The following SYT3 variants were observed in gnomAD, a reference collection of about 807,000 sequenced individuals.
SYT3 encodes the protein synaptotagmin 3, also known as synaptotagmin-3.
A neutral mutation model predicts 50.6 loss-of-function variants in SYT3; 25 were observed. That is an observed-to-expected ratio of 0.49 (90% CI 0.36 to 0.69). The LOEUF is 0.69. SYT3 is among the 30% of genes least tolerant of loss of function. The probability of loss-of-function intolerance (pLI) is 0.00; values close to 1 mark genes in which losing one functional copy is unlikely to be tolerated. For synonymous variants in SYT3, 323 were observed against 353.9 expected, an observed-to-expected ratio of 0.91 and a Z score of 0.98; for missense variants, 589 against 793.6, an observed-to-expected ratio of 0.74 and a Z score of 3.10.
Position 50,621,980 on chromosome 19 carries a change from GA to G in SYT3, c.*504del. 1 of 142,316 alleles carries G rather than the reference GA, an allele frequency of 7.0e-6. No individual in the cohort carries two copies. Among genetic ancestry groups the G allele is most frequent in the African/African-American group, 2.7e-5 (1 of 36,542 alleles). 8.8% of individuals were successfully genotyped at this position (142,316 alleles called of 1,614,324 possible). ...TCAGAGAGGACAGGAGGCCCAGTTG[GA>G]GTGAGACCCACAGAGTGTGTTTATT... On this transcript the variant is annotated 3_prime_UTR_variant, in exon 11 of 11. Transcript: ENST00000600079.
the SYT3 span, chr19:50,656,076 C>T: frequency 6.5e-7 from 1 of 1,536,112 alleles, no homozygotes; most frequent in Non-Finnish European, 8.7e-7. Context: ...CCTGGAGACC[C>T]CAGAGGAGAT....
the SYT3 span, among the ~76,000 whole-genome samples, chr19:50,651,744 A>C: frequency 1.3e-5 from 2 of 152,088 alleles, no homozygotes; most frequent in Non-Finnish European, 2.9e-5. Context: ...GCATTTCCTC[A>C]ATTTTTCAAT....
chr19:50,656,452 T>C, the SYT3 span: 1 of 1,401,536 alleles, frequency 7.1e-7, no homozygotes, highest in Non-Finnish European at 9.4e-7. Flanking sequence ...GCTTTTGGCT[T>C]ATAAGCTGTG....
chr19:50,647,755 A>G, the SYT3 span, among the ~76,000 whole-genome samples: 1 of 152,156 alleles, frequency 6.6e-6, no homozygotes, highest in African/African-American at 2.4e-5. Context: ...ATGGGAGTAG[A>G]GAGGAGAGGA....
intron 6 of SYT3, among the ~76,000 whole-genome samples, chr19:50,626,430 G>A (rs1336989031): frequency 6.6e-6 from 1 of 151,300 alleles, no homozygotes; most frequent in Non-Finnish European, 1.5e-5. Flanking sequence ...GACCCAGAGA[G>A]AGGGAGACAG....
the SYT3 span, among the ~76,000 whole-genome samples, chr19:50,645,195 T>C: frequency 6.6e-6 from 1 of 152,074 alleles, no homozygotes; most frequent in East Asian, 1.9e-4. Context: ...ATTTCTGGAA[T>C]TGGAGGAAAA....
At chr19:50,630,675 G>C (rs10414402) in intron 4 of SYT3, among the ~76,000 whole-genome samples, 103,513 of 151,806 alleles carry the variant, frequency 0.68, 36,647 homozygotes, top group African/African-American at 0.81. Flanking sequence ...TGCCCGCCTC[G>C]GCCTCCCAAA....
upstream of SYT3, among the ~76,000 whole-genome samples, chr19:50,642,335 G>A (rs1374747472): frequency 6.6e-6 from 1 of 152,244 alleles, no homozygotes; most frequent in African/African-American, 2.4e-5. Context: ...GCCATGACAC[G>A]TTTCCAAAGA....
intron 9 of SYT3, among the ~76,000 whole-genome samples, chr19:50,623,412 TGTG>T (rs1282356769): frequency 6.6e-6 from 1 of 152,020 alleles, no homozygotes; most frequent in Non-Finnish European, 1.5e-5. Context: ...AATCTGGTGA[TGTG>T]GTGAAAGTTT....
At chr19:50,634,555 C>G (rs547038896) in intron 3 of SYT3, among the ~76,000 whole-genome samples, 10 of 148,946 alleles carry the variant, frequency 6.7e-5, no homozygotes, top group African/African-American at 2.0e-4. Context: ...TTTCCTTCCC[C>G]CCTCCCTCTT....
At chr19:50,642,927 C>T (rs753239267), upstream of SYT3, among the ~76,000 whole-genome samples, 8 of 152,170 alleles carry the variant, frequency 5.3e-5, no homozygotes, top group Non-Finnish European at 1.2e-4. Flanking sequence ...GGAAAAATGG[C>T]TAGTGTTTAG....
chr19:50,651,094 C>G, the SYT3 span, among the ~76,000 whole-genome samples: 1 of 152,214 alleles, frequency 6.6e-6, no homozygotes, highest in East Asian at 1.9e-4. Context: ...CCCCTGGGTC[C>G]CAAGCATTTT....
chr19:50,626,773 T>G (rs191644465), intron 6 of SYT3, among the ~76,000 whole-genome samples: 74 of 103,304 alleles, frequency 7.2e-4, no homozygotes, highest in Admixed American at 2.0e-3. Context: ...GAGATATATA[T>G]AGAGAGAGAC....
rs758055177 is a variant in SYT3, at chr19:50,630,017, C to T, written c.829G>A (p.Gly277Arg). 1.2e-6 allele frequency: 2 copies of T among 1,614,036 alleles called. No homozygotes were observed. Among genetic ancestry groups the T allele is most frequent in the Non-Finnish European group, 1.7e-6 (2 of 1,179,956 alleles). The change falls in exon 5 of 11, where the codon GGG becomes AGG. Residue 277 changes from glycine (G) to arginine (R), a missense_variant. This residue lies in a region of SYT3 where 273 missense variants were observed against 439.3 expected (regional missense o/e 0.62). Coordinates refer to ENST00000600079, the MANE Select transcript of SYT3 (RefSeq NM_001160329.2). Reference protein sequence around the residue: ...IGQIKPELYQGTGPGGRRSGG... With the variant: ...IGQIKPELYQRTGPGGRRSGG... ...CTCCGCCGGCCACCAGGGCCAGTCC[C>T]CTGGTACAGCTCTGGCTTAATCTGC... is the stretch of plus-strand genomic sequence containing the variant.
Position 50,632,418 on chromosome 19 carries a change from G to C in SYT3, c.542C>G (p.Pro181Arg), listed in dbSNP as rs760013880. Reference protein sequence around the residue: ...AAAAVAAGVKPSQTSPELPSE... With the variant: ...AAAAVAAGVKRSQTSPELPSE... Reference sequence around the variant, plus strand: ...GGGCAGCTCAGGGGATGTTTGGCTCGGTTTGACCCCAGCGGCCACTGCTGC... The same window carrying C: ...GGGCAGCTCAGGGGATGTTTGGCTCCGTTTGACCCCAGCGGCCACTGCTGC... The change falls in exon 4 of 11, where the codon CCG becomes CGG. Residue 181 changes from proline (P) to arginine (R), a missense_variant. This residue lies in a region of SYT3 where 316 missense variants were observed against 354.3 expected (regional missense o/e 0.89). Transcript: ENST00000600079. The surrounding 1 kb of genome is among the most constrained non-coding windows in gnomAD (Gnocchi z 4.7). The C allele has an allele frequency of 1.2e-6, 2 of 1,613,766 alleles. No individual in the cohort carries two copies. The highest frequency in any genetic ancestry group is 8.5e-7 in the Non-Finnish European group (1 of 1,179,950).
At chr19:50,657,003 G>GGGAAA in the SYT3 span, among the ~76,000 whole-genome samples, 4 of 148,086 alleles carry the variant, frequency 2.7e-5, no homozygotes, top group Admixed American at 6.8e-5. Flanking sequence ...AAGGGAGGGA[G>GGGAAA]GGAAAGGAAA....
At chr19:50,643,342 G>A (rs1281470000), upstream of SYT3, among the ~76,000 whole-genome samples, 4 of 151,820 alleles carry the variant, frequency 2.6e-5, no homozygotes, top group Non-Finnish European at 2.9e-5. Context: ...CCAGAGTCCC[G>A]TCCTTGTGCC....
At chr19:50,655,523 C>T in the SYT3 span, among the ~76,000 whole-genome samples, 1 of 151,990 alleles carries the variant, frequency 6.6e-6, no homozygotes, top group African/African-American at 2.4e-5. Flanking sequence ...GTAGCGGGTG[C>T]CTGTAGTCTC....
upstream of SYT3, among the ~76,000 whole-genome samples, chr19:50,643,262 T>C (rs1382892698): frequency 1.3e-5 from 2 of 151,984 alleles, no homozygotes; most frequent in African/African-American, 4.8e-5. Context: ...TCCCACCTGC[T>C]TGGGGGGAGG....
Sources: allele counts gnomAD v4.1 joint callset (sites outside exome capture counted in the v4.1 genomes callset), GRCh38; gene constraint gnomAD v4.1.1; regional missense constraint gnomAD v4.1.1; non-coding constraint Gnocchi (gnomAD v3.1); transcripts MANE v1.5; gene names NCBI Gene and HGNC (gene_info 2026-07-23, HGNC 2026-07-21).